AFF1: variants seen among roughly 807,000 people sequenced by gnomAD.
AFF1 encodes AF4/FMR2 family member 1.
A neutral mutation model predicts 121.7 loss-of-function variants in AFF1; 48 were observed. The observed-to-expected ratio is 0.39, with a 90% CI of 0.31 to 0.50. The LOEUF is 0.50. Ranked by LOEUF, AFF1 falls within the 20% of genes least tolerant of loss-of-function variation. The pLI, the probability that AFF1 is intolerant of heterozygous loss-of-function variation, is 0.76. For synonymous variants in AFF1, 613 were observed against 563.0 expected (o/e 1.09, Z -1.26); for missense variants, 1,523 against 1,511.7 (o/e 1.01, Z -0.12).
chr4:87,007,310 C>T (rs777681969), intron 2 of AFF1: 560 of 1,588,408 alleles, frequency 3.5e-4, no homozygotes, highest in Non-Finnish European at 3.9e-4. Flanking sequence ...GACGCGTCCC[C>T]GCCCGGCTCC....
chr4:87,109,758 A>T (rs1726277180), intron 11 of AFF1, among the ~76,000 whole-genome samples: 1 of 152,226 alleles, frequency 6.6e-6, no homozygotes, highest in Admixed American at 6.5e-5. Context: ...TGAGACATAG[A>T]TATATTTTAT....
intron 4 of AFF1, among the ~76,000 whole-genome samples, chr4:87,055,900 TG>T (rs1298736376): frequency 6.6e-6 from 1 of 152,256 alleles, no homozygotes; most frequent in Non-Finnish European, 1.5e-5. Context: ...AGGTTAACTT[TG>T]CATGTTCACA....
chr4:87,120,623 C>T (rs1046438898), intron 12 of AFF1, among the ~76,000 whole-genome samples: 5 of 152,224 alleles, frequency 3.3e-5, no homozygotes, highest in African/African-American at 4.8e-5. Context: ...ACAAGGTCGG[C>T]GTACTGGCTC....
chr4:86,942,851 T>C (rs1329354501), intron 1 of AFF1, among the ~76,000 whole-genome samples: 1 of 152,266 alleles, frequency 6.6e-6, no homozygotes, highest in Non-Finnish European at 1.5e-5. Context: ...GAGTTCCTGA[T>C]GCCTCATTGC....
rs770704184 is a variant in AFF1, at chr4:87,114,512, G to A, written c.1679G>A (p.Ser560Asn). ...ESKGSSDSAT[S>N]QEHSESKDPP... Reference sequence around the variant, plus strand: ...AAGGGCAGCAGCGACAGTGCCACGAGTCAGGAGCATTCTGAATCCAAAGAT... The same window carrying A: ...AAGGGCAGCAGCGACAGTGCCACGAATCAGGAGCATTCTGAATCCAAAGAT... Residue 560 changes from serine to asparagine, a missense_variant, in exon 12 of 21, where the codon AGT (serine) becomes AAT (asparagine). Physicochemically the swap from Ser to Asn is conservative, Grantham distance 46. Around this residue, in one of 5 missense-constraint regions of AFF1, gnomAD observed 905 missense variants for 842.5 expected, o/e 1.07. Transcript: ENST00000395146. The A allele has an allele frequency of 7.3e-5, 118 of 1,613,380 alleles. No homozygotes were observed. The highest frequency in any genetic ancestry group is 4.9e-4 in the Middle Eastern group (3 of 6,078).
At chr4:87,112,691 C>G (rs1726662413) in intron 11 of AFF1, among the ~76,000 whole-genome samples, 1 of 152,182 alleles carries the variant, frequency 6.6e-6, no homozygotes, top group Non-Finnish European at 1.5e-5. Context: ...GTCTTTCTTC[C>G]CCTTAAAACC....
At chr4:86,970,812 G>A (rs78486457) in intron 2 of AFF1, among the ~76,000 whole-genome samples, 2 of 152,174 alleles carry the variant, frequency 1.3e-5, no homozygotes, top group Non-Finnish European at 2.9e-5. Context: ...TTGCAGGCGA[G>A]GGGGAGCTTG....
At chr4:87,033,099 A>G (rs1729224127) in intron 2 of AFF1, among the ~76,000 whole-genome samples, 1 of 152,244 alleles carries the variant, frequency 6.6e-6, no homozygotes. Context: ...GCAGCGAGCC[A>G]TGATTGTGCC....
intron 2 of AFF1, among the ~76,000 whole-genome samples, chr4:87,013,075 C>G (rs1726963576): frequency 8.8e-6 from 1 of 113,498 alleles, no homozygotes; most frequent in Non-Finnish European, 1.7e-5. Context: ...CGGAGTTTCG[C>G]TCTTGTTGCC....
intron 2 of AFF1, among the ~76,000 whole-genome samples, chr4:86,974,406 C>G (rs1433817843): frequency 6.6e-6 from 1 of 152,148 alleles, no homozygotes; most frequent in African/African-American, 2.4e-5. Flanking sequence ...CCTCGGTCTC[C>G]CAAAGTGCTG....
At chr4:87,054,019 A>C (rs1411615551) in intron 4 of AFF1, among the ~76,000 whole-genome samples, 1 of 152,250 alleles carries the variant, frequency 6.6e-6, no homozygotes, top group Non-Finnish European at 1.5e-5. Flanking sequence ...AGCATGTGCC[A>C]CTGGCTTATG....
chr4:87,004,700 A>AT (rs1469669921), intron 2 of AFF1, among the ~76,000 whole-genome samples: 15 of 152,264 alleles, frequency 9.9e-5, no homozygotes, highest in African/African-American at 3.4e-4. Flanking sequence ...ATTTTGGAGC[A>AT]TTTTGGATTT....
At chr4:86,982,375 G>GA (rs995378843) in intron 2 of AFF1, among the ~76,000 whole-genome samples, 13 of 78,964 alleles carry the variant, frequency 1.6e-4, no homozygotes, top group Non-Finnish European at 3.0e-4. Context: ...GCTGTTCAAA[G>GA]AAAAAAAATT....
At chr4:86,970,458 A>C (rs558392199) in intron 2 of AFF1, among the ~76,000 whole-genome samples, 5 of 152,366 alleles carry the variant, frequency 3.3e-5, no homozygotes, top group African/African-American at 1.2e-4. Context: ...TTAAGGGTAC[A>C]TATTTTTATT....
At chr4:87,033,230 C>A (rs1276229181) in intron 2 of AFF1, among the ~76,000 whole-genome samples, 5 of 152,206 alleles carry the variant, frequency 3.3e-5, no homozygotes, top group Non-Finnish European at 5.9e-5. Context: ...CCCCACTGTT[C>A]TTATCAATAC....
intron 2 of AFF1, among the ~76,000 whole-genome samples, chr4:86,952,877 A>G (rs1460115877): frequency 6.6e-6 from 1 of 150,934 alleles, no homozygotes; most frequent in Non-Finnish European, 1.5e-5. Context: ...TTATTTATTT[A>G]TTTATTTTCA....
At chr4:87,003,331 A>G (rs947685992) in intron 2 of AFF1, among the ~76,000 whole-genome samples, 2 of 152,148 alleles carry the variant, frequency 1.3e-5, no homozygotes, top group African/African-American at 4.8e-5. Context: ...TGGTGTTCTC[A>G]TAGCTCACTG....
chr4:87,013,035 T>G (rs1220456890), intron 2 of AFF1, among the ~76,000 whole-genome samples: 12 of 10,834 alleles, frequency 1.1e-3, no homozygotes, highest in Non-Finnish European at 1.4e-3. Flanking sequence ...TCAAGTTCTT[T>G]TTTTTTTTTT....
chr4:87,113,392 T>C (rs1726756951), intron 11 of AFF1, among the ~76,000 whole-genome samples: 1 of 152,068 alleles, frequency 6.6e-6, no homozygotes, highest in African/African-American at 2.4e-5. Flanking sequence ...CACCTTAGCC[T>C]TCTGAGTAGC....
Sources: gnomAD v4.1 joint callset for allele counts (sites outside exome capture counted in the v4.1 genomes callset) on GRCh38, gnomAD v4.1.1 for gene constraint, gnomAD v4.1.1 regional missense constraint, MANE v1.5 for transcripts, NCBI Gene and HGNC (gene_info 2026-07-23, HGNC 2026-07-21) for gene names.